The following DCAF6 variants were observed in gnomAD, a reference collection of about 807,000 sequenced individuals.
DCAF6 encodes the protein DDB1- and CUL4-associated factor 6.
A neutral mutation model predicts 125.1 loss-of-function variants in DCAF6; 54 were observed. That is an observed-to-expected ratio of 0.43 (90% confidence interval 0.35 to 0.54). The LOEUF (loss-of-function observed/expected upper bound fraction) is 0.54, where lower values mean the gene tolerates loss of function less well. Ranked by LOEUF, DCAF6 falls within the 20% of genes least tolerant of loss-of-function variation. The pLI, the probability that DCAF6 is intolerant of heterozygous loss-of-function variation, is 0.01. For synonymous variants in DCAF6, 371 were observed against 390.4 expected (o/e 0.95, Z 0.58); for missense variants, 934 against 1,161.7 (o/e 0.80, Z 2.85).
chr1:167,883,507 G>A, the DCAF6 span: 1 of 1,614,184 alleles, frequency 6.2e-7, no homozygotes, highest in South Asian at 1.1e-5. Context: ...GTGCATATAG[G>A]CATCCTGGAT....
chr1:168,048,988 C>T (rs1222781459), intron 16 of DCAF6, among the ~76,000 whole-genome samples: 1 of 152,128 alleles, frequency 6.6e-6, no homozygotes, highest in Admixed American at 6.6e-5. Flanking sequence ...AAAATCCAGA[C>T]TTTGAAACAA....
intron 12 of DCAF6, among the ~76,000 whole-genome samples, chr1:168,037,465 A>G (rs1687984701): frequency 6.6e-6 from 1 of 152,160 alleles, no homozygotes; most frequent in East Asian, 1.9e-4. Context: ...TTATGTATCC[A>G]TTTGTATTCC....
At chr1:167,936,482 TAG>T (rs1671226534), upstream of DCAF6, 2 of 206,530 alleles carry the variant, frequency 9.7e-6, no homozygotes, top group African/African-American at 2.4e-5. Context: ...AGGATCTGGT[TAG>T]AGTGGCCCGA....
At chr1:167,969,133 G>T (rs559275724) in intron 3 of DCAF6, 1 of 151,908 alleles carries the variant, frequency 6.6e-6, no homozygotes, top group African/African-American at 2.4e-5. Flanking sequence ...TATGTCTAAA[G>T]TCCTTTCTAA....
chr1:167,875,138 A>G, the DCAF6 span: 1 of 1,614,086 alleles, frequency 6.2e-7, no homozygotes, highest in Non-Finnish European at 8.5e-7. Context: ...TACCCAGCAA[A>G]GGGTAATCCT....
intron 7 of DCAF6, among the ~76,000 whole-genome samples, chr1:168,001,644 T>C (rs1682648967): frequency 6.6e-6 from 1 of 152,202 alleles, no homozygotes; most frequent in African/African-American, 2.4e-5. Context: ...AAATATTGTT[T>C]TTTTTCTTAA....
intron 10 of DCAF6, among the ~76,000 whole-genome samples, chr1:168,011,662 T>C (rs554159495): frequency 3.9e-4 from 60 of 152,232 alleles, no homozygotes; most frequent in African/African-American, 1.4e-3. Flanking sequence ...GTCAGATAGA[T>C]ATAGGCCATT....
At chr1:167,868,702 C>A in the DCAF6 span, among the ~76,000 whole-genome samples, 3 of 152,186 alleles carry the variant, frequency 2.0e-5, no homozygotes, top group Non-Finnish European at 4.4e-5. Context: ...AACTCCTGGG[C>A]TTCCCTGTCT....
At chr1:167,926,640 G>A in the DCAF6 span, among the ~76,000 whole-genome samples, 1 of 152,118 alleles carries the variant, frequency 6.6e-6, no homozygotes, top group Admixed American at 6.5e-5. Flanking sequence ...TGCTGCCGCT[G>A]CTGCTGCCGT....
intron 3 of DCAF6, among the ~76,000 whole-genome samples, chr1:167,968,118 A>G (rs1297255869): frequency 6.6e-6 from 1 of 152,202 alleles, no homozygotes; most frequent in Non-Finnish European, 1.5e-5. Context: ...TTTTTATGGT[A>G]GTAGCAACCG....
rs80109837 is a variant in DCAF6, at chr1:168,025,154, T to G, written c.1609+2107T>G. On this transcript the variant is annotated intron_variant, in intron 12 of 21. Transcript: ENST00000367840. ...CACTATCAGAGATTTTATAGCCAGA[T>G]TTATATTCTAGTTAATCACATACAA... 4.6e-3 allele frequency among the ~76,000 whole-genome samples: 702 copies of G among 152,264 alleles called. 8 individuals carry two copies. In the East Asian group the frequency reaches 0.058, roughly 13 times the overall value.
At chr1:167,902,115 C>T in the DCAF6 span, 3 of 1,492,694 alleles carry the variant, frequency 2.0e-6, no homozygotes, top group Non-Finnish European at 2.8e-6. Context: ...AAAAAAACAT[C>T]ATTCTTTCTT....
the DCAF6 span, among the ~76,000 whole-genome samples, chr1:167,906,760 T>C: frequency 6.6e-6 from 1 of 151,904 alleles, no homozygotes; most frequent in Admixed American, 6.6e-5. Flanking sequence ...CTGCACTCTA[T>C]CCTAGGTGAC....
rs187887419 is a variant in DCAF6, at chr1:167,962,863, G to A, written c.160-3766G>A. 2.9e-3 allele frequency among the ~76,000 whole-genome samples: 447 copies of A among 152,334 alleles called. 1 individual carries two copies. The highest frequency in any genetic ancestry group is 0.01 in the African/African-American group (425 of 41,576). ...CCAGTTACTTGGGAGGCTGAGGCAGGAGAATTGCTTGAACCCAGGAGGCAG... is the reference window on the plus strand; with the variant it reads ...CCAGTTACTTGGGAGGCTGAGGCAGAAGAATTGCTTGAACCCAGGAGGCAG... On this transcript the variant is annotated intron_variant, in intron 2 of 21. Coordinates refer to ENST00000367840, the MANE Select transcript of DCAF6 (RefSeq NM_001198956.2).
At chr1:167,984,062 A>G (rs1005468166) in intron 4 of DCAF6, among the ~76,000 whole-genome samples, 2 of 152,228 alleles carry the variant, frequency 1.3e-5, no homozygotes, top group Admixed American at 1.3e-4. Context: ...CACAAGTTAA[A>G]GTGGCTCAAG....
intron 3 of DCAF6, among the ~76,000 whole-genome samples, chr1:167,967,714 C>CT (rs552208317): frequency 0.19 from 14,407 of 74,634 alleles, 3,410 homozygotes; most frequent in Non-Finnish European, 0.26. Context: ...TTTCCTGTAT[C>CT]TTTTTTTTTT....
intron 13 of DCAF6, among the ~76,000 whole-genome samples, chr1:168,039,402 A>C (rs2101746535): frequency 6.6e-6 from 1 of 151,370 alleles, no homozygotes; most frequent in South Asian, 2.1e-4. Context: ...TCTCTTTAAT[A>C]ATGTTTCTGA....
chr1:167,891,794 G>C, the DCAF6 span, among the ~76,000 whole-genome samples: 1 of 152,060 alleles, frequency 6.6e-6, no homozygotes, highest in Non-Finnish European at 1.5e-5. Flanking sequence ...TAGCACAGAA[G>C]TGTCAGATTC....
the DCAF6 span, chr1:167,899,322 C>T: frequency 8.3e-7 from 1 of 1,199,044 alleles, no homozygotes. Context: ...CAATCTCCAG[C>T]CCAGGAGCTT....
Sources: allele counts gnomAD v4.1 joint callset (sites outside exome capture counted in the v4.1 genomes callset), GRCh38; gene constraint gnomAD v4.1.1; transcripts MANE v1.5; gene names NCBI Gene and HGNC (gene_info 2026-07-23, HGNC 2026-07-21).